Variants in DCAF5 observed in about 807,000 individuals in gnomAD.
DCAF5 encodes the protein DDB1- and CUL4-associated factor 5.
DCAF5 carries 9 observed loss-of-function variants against 80.7 expected under a neutral mutation model. The observed-to-expected ratio is 0.11, with a 90% CI of 0.07 to 0.19. The LOEUF (loss-of-function observed/expected upper bound fraction) is 0.19, where lower values mean the gene tolerates loss of function less well. Among genes scored for constraint, DCAF5 ranks in the 10% least tolerant of loss-of-function variants. DCAF5 has a pLI of 1.00. For missense variants in DCAF5, 842 were observed against 1,205.7 expected, an observed-to-expected ratio of 0.70 and a Z score of 4.47; for synonymous variants, 433 against 461.9, an observed-to-expected ratio of 0.94 and a Z score of 0.80.
intron 1 of DCAF5, among the ~76,000 whole-genome samples, chr14:69,146,294 C>G (rs2041535276): frequency 6.6e-6 from 1 of 152,202 alleles, no homozygotes. Flanking sequence ...TAATGATCAG[C>G]AGCTAAACCT....
chr14:69,135,053 T>C (rs2041149859), intron 1 of DCAF5, among the ~76,000 whole-genome samples: 1 of 152,242 alleles, frequency 6.6e-6, no homozygotes, highest in Non-Finnish European at 1.5e-5. Flanking sequence ...AATTCTGATG[T>C]AGACACTTGA....
At chr14:69,133,168 G>C (rs2041091046) in intron 1 of DCAF5, among the ~76,000 whole-genome samples, 1 of 152,130 alleles carries the variant, frequency 6.6e-6, no homozygotes, top group Admixed American at 6.5e-5. Flanking sequence ...GAATTCACAT[G>C]AAACTACAGA....
chr14:69,057,255 A>C (rs865993487), intron 8 of DCAF5, among the ~76,000 whole-genome samples: 2 of 152,174 alleles, frequency 1.3e-5, no homozygotes, highest in African/African-American at 4.8e-5. Context: ...CTTAAGCTAT[A>C]ATTACTATCT....
At chr14:69,133,652 T>C (rs551739307) in intron 1 of DCAF5, among the ~76,000 whole-genome samples, 9 of 152,322 alleles carry the variant, frequency 5.9e-5, no homozygotes, top group Non-Finnish European at 1.2e-4. Flanking sequence ...CTACAGGCAT[T>C]ACTTCTGCTG....
intron 5 of DCAF5, among the ~76,000 whole-genome samples, chr14:69,111,914 T>C (rs1329961124): frequency 6.6e-6 from 1 of 152,154 alleles, no homozygotes; most frequent in Non-Finnish European, 1.5e-5. Flanking sequence ...CCAACTCCAG[T>C]GTCTACAGGG....
intron 1 of DCAF5, among the ~76,000 whole-genome samples, chr14:69,126,782 C>T (rs547716632): frequency 6.4e-4 from 97 of 152,130 alleles, no homozygotes; most frequent in African/African-American, 2.0e-3. Context: ...TCTTTGACCA[C>T]GGAGCAAAGA....
At chr14:69,091,141 A>G in intron 6 of DCAF5, 1 of 749,270 alleles carries the variant, frequency 1.3e-6, no homozygotes, top group Non-Finnish European at 2.4e-6. Context: ...TGGGCTCTCC[A>G]TTTCCAGTTG....
chr14:69,145,611 T>C (rs2140124322), intron 1 of DCAF5, among the ~76,000 whole-genome samples: 1 of 152,288 alleles, frequency 6.6e-6, no homozygotes, highest in Non-Finnish European at 1.5e-5. Context: ...GAATTTCATA[T>C]TCCCACAATA....
In DCAF5 at chr14:69,055,477, G is replaced by C; in HGVS notation, c.1209C>G (p.Asp403Glu). Residue 403 changes from aspartate to glutamate, a missense_variant, in exon 9 of 9, where the codon GAC becomes GAG. Asp to Glu is a conservative substitution (Grantham distance 45). Transcript: ENST00000341516. This position sits in a 1 kb window ranked among gnomAD's most constrained non-coding sequence, Gnocchi z 5.6. ...VLNSGSGLSH[D>E]YANQSVQEDP... Reference sequence around the variant, plus strand: ...CTTCCTGGACCGACTGGTTGGCGTAGTCATGCGACAGGCCACTCCCACTGT... The same window carrying C: ...CTTCCTGGACCGACTGGTTGGCGTACTCATGCGACAGGCCACTCCCACTGT... 1 of 1,614,190 alleles carries C rather than the reference G, an allele frequency of 6.2e-7. No homozygotes were observed. The highest frequency in any genetic ancestry group is 8.5e-7 in the Non-Finnish European group (1 of 1,180,038).
intron 5 of DCAF5, among the ~76,000 whole-genome samples, chr14:69,101,530 A>T: frequency 6.6e-6 from 1 of 152,206 alleles, no homozygotes; most frequent in East Asian, 1.9e-4. Context: ...AGAAAAACCT[A>T]AGCTGACGCA....
Position 69,054,844 on chromosome 14 carries a change from G to C in DCAF5, c.1842C>G (p.Asn614Lys). 6.2e-7 allele frequency: 1 copy of C among 1,614,220 alleles called. No individual in the cohort carries two copies. Among genetic ancestry groups the C allele is most frequent in the Non-Finnish European group, 8.5e-7 (1 of 1,180,044 alleles). The change falls in exon 9 of 9, where the codon AAC becomes AAG. Residue 614 changes from asparagine to lysine, a missense_variant. By Grantham distance (94) the Asn-to-Lys change is moderately conservative. This residue lies in a region of DCAF5 where 607 missense variants were observed against 656.6 expected (regional missense o/e 0.92). Transcript: ENST00000341516. ...KPTNTYIGED[N>K]YDYPQIKVDD... ...CCACTTTGATCTGGGGGTAATCATA[G>C]TTGTCTTCTCCAATGTAAGTGTTGG...
intron 7 of DCAF5, 92 bp from the exon 8 acceptor site, chr14:69,062,603 G>C: frequency 6.9e-7 from 1 of 1,453,554 alleles, no homozygotes; most frequent in Non-Finnish European, 9.4e-7. Flanking sequence ...CTGAATGGGA[G>C]CAAAGATTTT....
chr14:69,096,156 T>C (rs1435826527), intron 5 of DCAF5, among the ~76,000 whole-genome samples: 4 of 152,238 alleles, frequency 2.6e-5, no homozygotes, highest in Non-Finnish European at 4.4e-5. Flanking sequence ...ACTGGTCGCA[T>C]TCAAGTATGT....
At chr14:69,144,498 G>A (rs1022044234) in intron 1 of DCAF5, among the ~76,000 whole-genome samples, 6 of 151,976 alleles carry the variant, frequency 3.9e-5, no homozygotes, top group African/African-American at 1.5e-4. Context: ...CATGAACCTG[G>A]GAGGTGGAGC....
In DCAF5 at chr14:69,148,706, A is replaced by C. The variant is rs191962786; in HGVS notation, c.214+4059T>G. ...CAAGACTCCATTGCCCCCACCGCCC[A>C]AAAAAAAAGTAATGTTCACTCAAAA... is the stretch of plus-strand genomic sequence containing the variant. On this transcript the variant is annotated intron_variant, in intron 1 of 8. Transcript: ENST00000341516. Among the ~76,000 whole-genome samples the C allele has an allele frequency of 8.7e-3, 1,316 of 151,534 alleles. 9 individuals carry two copies. Among genetic ancestry groups the C allele is most frequent in the Non-Finnish European group, 0.014 (943 of 67,798 alleles).
intron 5 of DCAF5, among the ~76,000 whole-genome samples, chr14:69,104,681 C>T (rs1770873861): frequency 6.6e-6 from 1 of 151,954 alleles, no homozygotes; most frequent in African/African-American, 2.4e-5. Flanking sequence ...CATGGTGAAA[C>T]CCCATCTCTA....
intron 6 of DCAF5, 125 bp downstream of exon 6, chr14:69,091,549 C>T: frequency 3.6e-6 from 3 of 833,746 alleles, no homozygotes; most frequent in Non-Finnish European, 5.7e-6. Context: ...CATCTCCAGG[C>T]ACTCACTGTT....
chr14:69,053,747 TG>T lies in DCAF5; in HGVS notation c.*109del. ...GCATCAGACACAAAATTTCAGGCCC[TG>T]GTTTCATGTGCCTTTAATACTTGTT... is the stretch of plus-strand genomic sequence containing the variant. On this transcript the variant is annotated 3_prime_UTR_variant, in exon 9 of 9. Coordinates refer to ENST00000341516, the MANE Select transcript of DCAF5 (RefSeq NM_003861.3). The T allele has an allele frequency of 9.1e-7, 1 of 1,100,270 alleles. No individual in the cohort carries two copies. Among genetic ancestry groups the T allele is most frequent in the Non-Finnish European group, 1.3e-6 (1 of 797,828 alleles). 68.2% of individuals were successfully genotyped at this position (1,100,270 alleles called of 1,614,324 possible).
intron 6 of DCAF5, among the ~76,000 whole-genome samples, chr14:69,082,568 A>AGCGTT (rs2039150572): frequency 6.6e-6 from 1 of 152,234 alleles, no homozygotes; most frequent in African/African-American, 2.4e-5. Flanking sequence ...CAAAGTGGCC[A>AGCGTT]GCGTTACTTA....
Sources: allele counts gnomAD v4.1 joint callset (sites outside exome capture counted in the v4.1 genomes callset), GRCh38; gene constraint gnomAD v4.1.1; regional missense constraint gnomAD v4.1.1; non-coding constraint Gnocchi (gnomAD v3.1); transcripts MANE v1.5; gene names NCBI Gene and HGNC (gene_info 2026-07-23, HGNC 2026-07-21).